Variants in SGK1 observed in about 807,000 individuals in gnomAD.
The protein encoded by SGK1 is serum/glucocorticoid regulated kinase 1.
A neutral mutation model predicts 64.2 loss-of-function variants in SGK1; 26 were observed. The ratio of observed to expected loss-of-function variants is 0.40; its 90% CI spans 0.30 to 0.56. The LOEUF is 0.56. Ranked by LOEUF, SGK1 falls within the 20% of genes least tolerant of loss-of-function variation. SGK1 has a pLI of 0.38. For synonymous variants in SGK1, 265 were observed against 239.7 expected, an observed-to-expected ratio of 1.11 and a Z score of -0.98; for missense variants, 519 against 645.6, an observed-to-expected ratio of 0.80 and a Z score of 2.12.
chr6:134,206,792 T>G (rs1385979331), intron 3 of SGK1, among the ~76,000 whole-genome samples: 1 of 146,126 alleles, frequency 6.8e-6, no homozygotes, highest in Non-Finnish European at 1.5e-5. Context: ...GCTTGAACCC[T>G]GGAGGTGGAG....
chr6:134,264,551 C>G (rs1776820625), intron 1 of SGK1, among the ~76,000 whole-genome samples: 1 of 152,066 alleles, frequency 6.6e-6, no homozygotes, highest in South Asian at 2.1e-4. Flanking sequence ...TATATTCAAC[C>G]AATTAGTGAA....
intron 2 of SGK1, among the ~76,000 whole-genome samples, chr6:134,247,182 AG>A (rs1776537623): frequency 6.6e-6 from 1 of 152,074 alleles, no homozygotes; most frequent in Non-Finnish European, 1.5e-5. Flanking sequence ...AAGTCACCCA[AG>A]ACAGGAAAAA....
intron 2 of SGK1, among the ~76,000 whole-genome samples, chr6:134,247,711 C>G (rs947114477): frequency 1.3e-5 from 2 of 152,158 alleles, no homozygotes; most frequent in African/African-American, 4.8e-5. Context: ...GTCATTGTCA[C>G]TGATTTACAA....
At chr6:134,196,798 T>C (rs1419981463) in intron 3 of SGK1, among the ~76,000 whole-genome samples, 1 of 152,244 alleles carries the variant, frequency 6.6e-6, no homozygotes, top group African/African-American at 2.4e-5. Flanking sequence ...AGTGAGTGGG[T>C]CTCTTTCTGA....
At chr6:134,307,899 T>G (rs904343133) in intron 1 of SGK1, among the ~76,000 whole-genome samples, 1 of 152,200 alleles carries the variant, frequency 6.6e-6, no homozygotes, top group Non-Finnish European at 1.5e-5. Flanking sequence ...TAAATTGTTT[T>G]TATTGATTCA....
intron 3 of SGK1, among the ~76,000 whole-genome samples, chr6:134,179,511 T>TTTTTTG (rs1226616116): frequency 1.3e-5 from 2 of 150,694 alleles, no homozygotes; most frequent in African/African-American, 2.5e-5. Flanking sequence ...TTTTTTTTTT[T>TTTTTTG]TTACAGAAAA....
At position 134,191,442 on chromosome 6, in the gene SGK1, G is replaced by C. The variant is rs192746972; in HGVS notation, c.361+15914C>G. ...CTAGCATCAATCGTTAAAGTTCTTC[G>C]TTAGGCTGTGATCAAATATCCTCAT... On this transcript the variant is annotated intron_variant, in intron 3 of 13. Coordinates refer to ENST00000367858, the MANE Select transcript of SGK1 (RefSeq NM_001143676.3). 3.2e-4 allele frequency among the ~76,000 whole-genome samples: 48 copies of C among 152,182 alleles called. No individual in the cohort carries two copies. The East Asian group carries it at 6.4e-3, about 20-fold the overall frequency.
chr6:134,301,029 C>T (rs1320586933), intron 1 of SGK1, among the ~76,000 whole-genome samples: 1 of 152,166 alleles, frequency 6.6e-6, no homozygotes, highest in Non-Finnish European at 1.5e-5. Context: ...AGATTTCTCA[C>T]TCTCACAAAT....
At chr6:134,265,055 T>A (rs75630605) in intron 1 of SGK1, among the ~76,000 whole-genome samples, 5,188 of 152,336 alleles carry the variant, frequency 0.034, 186 homozygotes, top group African/African-American at 0.09. Context: ...ATCACTAAAA[T>A]TAAGTATTAT....
chr6:134,183,277 TCAAA>T (rs113500685), intron 3 of SGK1, among the ~76,000 whole-genome samples: 31,707 of 152,084 alleles, frequency 0.21, 3,457 homozygotes, highest in East Asian at 0.25. Flanking sequence ...ATCCGTCATC[TCAAA>T]CATTTATTTT....
intron 1 of SGK1, among the ~76,000 whole-genome samples, chr6:134,304,202 A>G (rs1167146896): frequency 2.0e-5 from 3 of 152,248 alleles, no homozygotes; most frequent in East Asian, 1.9e-4. Context: ...GACTCAGCCA[A>G]CGTCACAGGG....
chr6:134,192,092 G>T (rs1444778613), intron 3 of SGK1, among the ~76,000 whole-genome samples: 2 of 151,356 alleles, frequency 1.3e-5, no homozygotes, highest in African/African-American at 4.9e-5. Context: ...GCGTCCTAAA[G>T]TGCTGGGATT....
intron 1 of SGK1, among the ~76,000 whole-genome samples, chr6:134,276,705 G>A (rs1253749327): frequency 6.6e-6 from 1 of 152,136 alleles, no homozygotes; most frequent in Non-Finnish European, 1.5e-5. Flanking sequence ...CCCTTCTGGA[G>A]ACAGTGCTTA....
At chr6:134,213,091 C>G (rs1775917994) in intron 2 of SGK1, among the ~76,000 whole-genome samples, 1 of 152,088 alleles carries the variant, frequency 6.6e-6, no homozygotes, top group African/African-American at 2.4e-5. Flanking sequence ...GGCAAATTAC[C>G]CGGAGAGCTC....
Position 134,188,536 on chromosome 6 carries a change from C to A in SGK1, c.362-13950G>T, listed in dbSNP as rs192250306. Among the ~76,000 whole-genome samples, 135 of 152,280 alleles carry A rather than the reference C, an allele frequency of 8.9e-4. 1 individual carries two copies. Among genetic ancestry groups the A allele is most frequent in the East Asian group, 2.1e-3 (11 of 5,184 alleles). On this transcript the variant is annotated intron_variant, in intron 3 of 13. Transcript: ENST00000367858. ...GTGATTTTATATATAGAGATATATA[C>A]ATGTATGATAGCATCAGTAATTCAG...
intron 2 of SGK1, among the ~76,000 whole-genome samples, chr6:134,248,022 C>T (rs533131641): frequency 6.6e-6 from 1 of 152,030 alleles, no homozygotes; most frequent in South Asian, 2.1e-4. Flanking sequence ...GTTCTCACAG[C>T]TGTTATGATT....
At chr6:134,209,275 A>C (rs1240967820) in intron 2 of SGK1, among the ~76,000 whole-genome samples, 1 of 152,120 alleles carries the variant, frequency 6.6e-6, no homozygotes, top group African/African-American at 2.4e-5. Context: ...CTCTACTAAA[A>C]ATACAAAAAT....
rs535754041 is a variant in SGK1 at position 134,178,023 on chromosome 6, C to G, written c.362-3437G>C. 1.0e-5 allele frequency: 6 copies of G among 571,430 alleles called. No individual in the cohort carries two copies. In the East Asian group the frequency reaches 1.7e-4, roughly 16 times the overall value. The allele number at this position is 571,430 out of a possible 1,614,324, so 35.4% of individuals were successfully genotyped here. A position where few individuals can be genotyped will look rare whatever the true frequency, so the allele number is the denominator to read the frequency against. On this transcript the variant is annotated intron_variant, in intron 3 of 13. Coordinates refer to ENST00000367858, the MANE Select transcript of SGK1 (RefSeq NM_001143676.3). ...CCCAGCACGCACACAAGAAATGTAA[C>G]TTAACTGATTATCCTCACAAATCAG...
chr6:134,201,274 A>T (rs1775676727), intron 3 of SGK1, among the ~76,000 whole-genome samples: 1 of 151,594 alleles, frequency 6.6e-6, no homozygotes, highest in African/African-American at 2.4e-5. Context: ...GTTAGCCAGG[A>T]TGGTCTCCAT....
Sources: gnomAD v4.1 joint callset for allele counts (sites outside exome capture counted in the v4.1 genomes callset) on GRCh38, gnomAD v4.1.1 for gene constraint, MANE v1.5 for transcripts, NCBI Gene and HGNC (gene_info 2026-07-23, HGNC 2026-07-21) for gene names.